ACOT1: variants seen among roughly 807,000 people sequenced by gnomAD.
ACOT1 encodes acyl-CoA thioesterase 1.
ACOT1 carries 8 observed loss-of-function variants against 15.7 expected under a neutral mutation model. That is an observed-to-expected ratio of 0.51 (90% CI 0.30 to 0.92). The LOEUF (loss-of-function observed/expected upper bound fraction) is 0.92, where lower values mean the gene tolerates loss of function less well. Among genes scored for constraint, ACOT1 ranks in the 40% least tolerant of loss-of-function variants. The pLI is 0.06. For missense variants in ACOT1, 151 were observed against 539.4 expected (o/e 0.28, Z 7.13); for synonymous variants, 67 against 241.2 (o/e 0.28, Z 6.69).
At chr14:73,498,043 A>C in the ACOT1 span, 2 of 954,424 alleles carry the variant, frequency 2.1e-6, no homozygotes, top group Non-Finnish European at 3.1e-6. Flanking sequence ...CAGGTGAACC[A>C]GTGCTTTTAC....
chr14:73,538,511 G>C (rs1248675480), intron 1 of ACOT1, among the ~76,000 whole-genome samples: 2 of 109,464 alleles, frequency 1.8e-5, no homozygotes, highest in Non-Finnish European at 3.9e-5. Context: ...TACTCGGGAC[G>C]CTGAGGCAGA....
chr14:73,516,803 C>T, the ACOT1 span, among the ~76,000 whole-genome samples: 6 of 152,178 alleles, frequency 3.9e-5, no homozygotes, highest in Non-Finnish European at 7.3e-5. Context: ...GTGAACTGCA[C>T]ATGTGAGGGG....
chr14:73,525,004 G>A, the ACOT1 span, among the ~76,000 whole-genome samples: 3 of 152,156 alleles, frequency 2.0e-5, no homozygotes, highest in East Asian at 5.8e-4. Flanking sequence ...TTAAGGGCAA[G>A]TTCTTTTTTG....
the ACOT1 span, among the ~76,000 whole-genome samples, chr14:73,521,302 G>C: frequency 6.6e-6 from 1 of 152,178 alleles, no homozygotes; most frequent in African/African-American, 2.4e-5. Context: ...GCAGGGCAGA[G>C]TGGCGGTGCT....
chr14:73,515,115 AATGTTTTTC>A, the ACOT1 span, among the ~76,000 whole-genome samples: 1 of 152,032 alleles, frequency 6.6e-6, no homozygotes, highest in Non-Finnish European at 1.5e-5. Flanking sequence ...TTCTGAACTT[AATGTTTTTC>A]ATGGTGTCAA....
At position 73,542,195 on chromosome 14, in the gene ACOT1, G is replaced by A. The variant is rs1284352872; in HGVS notation, c.660+500G>A. ...TTTTTTTTAGTAGAGATGGGGTTTC[G>A]CCATGTTGGCCAGGCTGGTCTCAAA... On this transcript the variant is annotated intron_variant, in intron 2 of 2. Transcript: ENST00000311148. Among the ~76,000 whole-genome samples, 25 of 104,866 alleles carry A rather than the reference G, an allele frequency of 2.4e-4. 7 individuals carry two copies. Among genetic ancestry groups the A allele is most frequent in the Non-Finnish European group, 3.4e-4 (17 of 49,770 alleles). 68.8% of individuals were successfully genotyped at this position (104,866 alleles called of 152,430 possible).
the ACOT1 span, among the ~76,000 whole-genome samples, chr14:73,523,379 C>T: frequency 1.3e-5 from 2 of 152,186 alleles, no homozygotes; most frequent in African/African-American, 4.8e-5. Context: ...AATGGTGCAA[C>T]ATCCTAAATA....
chr14:73,495,451 C>A, the ACOT1 span: 2 of 1,344,368 alleles, frequency 1.5e-6, no homozygotes, highest in African/African-American at 1.5e-5. Context: ...AGCAAATTAT[C>A]AAAAAACATT....
chr14:73,502,938 G>A, the ACOT1 span: 1 of 1,614,038 alleles, frequency 6.2e-7, no homozygotes, highest in Non-Finnish European at 8.5e-7. Flanking sequence ...ATTTGCCCAA[G>A]CGCCTGTGCA....
chr14:73,491,794 C>T, the ACOT1 span: 2 of 1,590,738 alleles, frequency 1.3e-6, no homozygotes, highest in East Asian at 2.3e-5. Context: ...TGCAGTTCGG[C>T]CAGCATTTGG....
the ACOT1 span, chr14:73,514,170 C>T: frequency 1.2e-6 from 2 of 1,614,210 alleles, no homozygotes; most frequent in Non-Finnish European, 1.7e-6. Context: ...CCACCTGCAG[C>T]AGCATATCCT....
At chr14:73,494,343 G>A in the ACOT1 span, among the ~76,000 whole-genome samples, 1 of 152,066 alleles carries the variant, frequency 6.6e-6, no homozygotes, top group Non-Finnish European at 1.5e-5. Flanking sequence ...AGTATATTTT[G>A]GTACAGTTTG....
the ACOT1 span, among the ~76,000 whole-genome samples, chr14:73,495,065 A>C: frequency 1.4e-4 from 22 of 152,274 alleles, no homozygotes; most frequent in South Asian, 2.1e-4. Flanking sequence ...AACAAACAAA[A>C]AAAAAACACA....
chr14:73,510,037 A>G, the ACOT1 span, among the ~76,000 whole-genome samples: 1 of 149,128 alleles, frequency 6.7e-6, no homozygotes, highest in Non-Finnish European at 1.5e-5. Context: ...AATTTTTAGT[A>G]TTCTTAGTAG....
At chr14:73,512,061 T>C in the ACOT1 span, 4 of 1,614,040 alleles carry the variant, frequency 2.5e-6, no homozygotes, top group Non-Finnish European at 3.4e-6. Flanking sequence ...CTGTGGCACA[T>C]GTGGTGATAG....
chr14:73,499,008 T>C, the ACOT1 span: 99 of 1,426,632 alleles, frequency 6.9e-5, no homozygotes, highest in Middle Eastern at 1.7e-4. Context: ...CAGGGGATCA[T>C]TTCTACTTGC....
the ACOT1 span, among the ~76,000 whole-genome samples, chr14:73,514,802 CT>C: frequency 6.6e-6 from 1 of 152,100 alleles, no homozygotes; most frequent in Non-Finnish European, 1.5e-5. Context: ...GGTACGGTGG[CT>C]TTTGCCTGTA....
chr14:73,495,141 G>T, the ACOT1 span: 4 of 1,176,876 alleles, frequency 3.4e-6, no homozygotes, highest in Non-Finnish European at 4.9e-6. Context: ...ATCCTCTAAG[G>T]CTTGCTACTA....
At chr14:73,526,140 C>T in the ACOT1 span, among the ~76,000 whole-genome samples, 6 of 152,036 alleles carry the variant, frequency 3.9e-5, no homozygotes, top group African/African-American at 7.2e-5. Flanking sequence ...TGTGGTGGAG[C>T]GAGAGGAGTG....
Sources: gnomAD v4.1 joint callset for allele counts (sites outside exome capture counted in the v4.1 genomes callset) on GRCh38, gnomAD v4.1.1 for gene constraint, MANE v1.5 for transcripts, NCBI Gene and HGNC (gene_info 2026-07-23, HGNC 2026-07-21) for gene names.